CDH13: variants seen among roughly 807,000 people sequenced by gnomAD.
The protein encoded by CDH13 is cadherin 13.
A neutral mutation model predicts 63.8 loss-of-function variants in CDH13; 24 were observed. That is an observed-to-expected ratio of 0.38 (90% CI 0.27 to 0.53). The LOEUF (loss-of-function observed/expected upper bound fraction) is 0.53, where lower values mean the gene tolerates loss of function less well. Ranked by LOEUF, CDH13 falls within the 20% of genes least tolerant of loss-of-function variation. The pLI is 0.85. For missense variants in CDH13, 1,049 were observed against 903.1 expected (o/e 1.16, Z -2.07); for synonymous variants, 503 against 355.3 (o/e 1.42, Z -4.67).
At chr16:82,942,548 A>G (rs547397577) in intron 2 of CDH13, among the ~76,000 whole-genome samples, 1 of 152,282 alleles carries the variant, frequency 6.6e-6, no homozygotes, top group South Asian at 2.1e-4. Context: ...ATTTAGGTGG[A>G]GAAGTACTTT....
intron 1 of CDH13, among the ~76,000 whole-genome samples, chr16:82,672,436 C>A (rs139470374): frequency 1.9e-3 from 287 of 152,162 alleles, no homozygotes; most frequent in African/African-American, 6.6e-3. Flanking sequence ...CCGTGATGAC[C>A]CCTCTACTGG....
intron 1 of CDH13, among the ~76,000 whole-genome samples, chr16:82,750,737 G>C (rs2034379193): frequency 1.3e-5 from 2 of 152,126 alleles, no homozygotes; most frequent in South Asian, 4.1e-4. Flanking sequence ...AAGTCCACCT[G>C]GAGCTTATTA....
intron 10 of CDH13, among the ~76,000 whole-genome samples, chr16:83,715,813 C>T (rs117608748): frequency 6.6e-6 from 1 of 152,006 alleles, no homozygotes; most frequent in Non-Finnish European, 1.5e-5. Flanking sequence ...TTGACAACAG[C>T]GTGTGACAAG....
chr16:83,324,043 T>TTC (rs1567591971), intron 5 of CDH13, among the ~76,000 whole-genome samples: 56 of 54,322 alleles, frequency 1.0e-3, no homozygotes, highest in African/African-American at 1.9e-3. Flanking sequence ...TCTTCTTCTT[T>TTC]TTTTTTTTTT....
chr16:83,091,766 C>T (rs77872890), intron 3 of CDH13, among the ~76,000 whole-genome samples: 1 of 152,138 alleles, frequency 6.6e-6, no homozygotes, highest in Non-Finnish European at 1.5e-5. Context: ...CATACTATAT[C>T]CCCAGCATCT....
chr16:83,380,449 C>A (rs1055387010), intron 6 of CDH13, among the ~76,000 whole-genome samples: 9 of 152,114 alleles, frequency 5.9e-5, no homozygotes, highest in African/African-American at 2.2e-4. Context: ...AAAGACGTGA[C>A]AGATACACGT....
At chr16:83,529,947 T>C (rs2075046305) in intron 7 of CDH13, among the ~76,000 whole-genome samples, 1 of 152,158 alleles carries the variant, frequency 6.6e-6, no homozygotes. Flanking sequence ...CCTAGTTAAG[T>C]AGGAGTGCAA....
intron 10 of CDH13, among the ~76,000 whole-genome samples, chr16:83,715,251 A>G (rs1908711808): frequency 6.6e-6 from 1 of 152,158 alleles, no homozygotes; most frequent in Non-Finnish European, 1.5e-5. Context: ...TGGCCAACGC[A>G]AAGTCTATTT....
At chr16:83,532,866 C>T (rs534743754) in intron 7 of CDH13, among the ~76,000 whole-genome samples, 15 of 152,314 alleles carry the variant, frequency 9.8e-5, no homozygotes, top group South Asian at 2.1e-4. Flanking sequence ...TCCCGGCAGA[C>T]GGAATTCAGC....
intron 7 of CDH13, among the ~76,000 whole-genome samples, chr16:83,579,482 A>G (rs752475204): frequency 1.1e-4 from 16 of 152,006 alleles, no homozygotes; most frequent in Admixed American, 2.0e-4. Flanking sequence ...GAAGAGAGAG[A>G]AGGGGGAGGC....
chr16:83,025,379 G>A (rs1915706301), intron 2 of CDH13, among the ~76,000 whole-genome samples: 1 of 152,166 alleles, frequency 6.6e-6, no homozygotes, highest in Non-Finnish European at 1.5e-5. Flanking sequence ...CATGGCTGGG[G>A]AGGCCTCAGG....
intron 2 of CDH13, among the ~76,000 whole-genome samples, chr16:82,898,509 A>G (rs1214882472): frequency 1.3e-5 from 2 of 152,224 alleles, no homozygotes; most frequent in Admixed American, 1.3e-4. Flanking sequence ...TGGGAGACAG[A>G]TTGAGACTCC....
At chr16:83,266,452 G>A (rs1907632534) in intron 5 of CDH13, among the ~76,000 whole-genome samples, 1 of 152,128 alleles carries the variant, frequency 6.6e-6, no homozygotes, top group Non-Finnish European at 1.5e-5. Flanking sequence ...TCACTTAATG[G>A]CAGTTACTTA....
intron 6 of CDH13, among the ~76,000 whole-genome samples, chr16:83,447,053 TA>T (rs56692922): frequency 0.15 from 9,373 of 64,242 alleles, 1,556 homozygotes; most frequent in African/African-American, 0.43. Flanking sequence ...TCACCCGTCT[TA>T]AAAAAAAAAA....
intron 1 of CDH13, among the ~76,000 whole-genome samples, chr16:82,764,766 G>A (rs148051873): frequency 8.2e-4 from 124 of 151,538 alleles, no homozygotes; most frequent in African/African-American, 2.9e-3. Flanking sequence ...ATCTTGTGAT[G>A]TGGAACCACA....
At chr16:83,711,956 T>C (rs769807873) in intron 10 of CDH13, among the ~76,000 whole-genome samples, 2 of 152,160 alleles carry the variant, frequency 1.3e-5, no homozygotes, top group Non-Finnish European at 2.9e-5. Flanking sequence ...GAGATCAAGG[T>C]GTTGGCAGAG....
chr16:83,765,892 A>G (rs942928024), intron 11 of CDH13, among the ~76,000 whole-genome samples: 1 of 152,090 alleles, frequency 6.6e-6, no homozygotes, highest in African/African-American at 2.4e-5. Flanking sequence ...TCCTGTTCAG[A>G]TGACATAAGA....
intron 2 of CDH13, among the ~76,000 whole-genome samples, chr16:82,994,309 T>G (rs74602554): frequency 0.013 from 1,937 of 152,280 alleles, 51 homozygotes; most frequent in African/African-American, 0.044. Context: ...CCTGACTTAG[T>G]ACAACCCTGG....
At chr16:82,939,845 C>T (rs545833449) in intron 2 of CDH13, among the ~76,000 whole-genome samples, 97 of 152,274 alleles carry the variant, frequency 6.4e-4, no homozygotes, top group African/African-American at 2.2e-3. Context: ...TTTCATTCCA[C>T]TATAGGTATA....
Sources: allele counts gnomAD v4.1 joint callset (sites outside exome capture counted in the v4.1 genomes callset), GRCh38; gene constraint gnomAD v4.1.1; transcripts MANE v1.5; gene names NCBI Gene and HGNC (gene_info 2026-07-23, HGNC 2026-07-21).